DIAPH3: variants seen among roughly 807,000 people sequenced by gnomAD.
The protein encoded by DIAPH3 is diaphanous related formin 3, also known as protein diaphanous homolog 3.
DIAPH3 carries 117 observed loss-of-function variants against 144.3 expected under a neutral mutation model. The observed-to-expected ratio is 0.81, with a 90% CI of 0.70 to 0.95. The LOEUF is 0.95. Among genes scored for constraint, DIAPH3 ranks in the 40% least tolerant of loss-of-function variants. DIAPH3 has a pLI of 0.00. For missense variants in DIAPH3, 1,421 were observed against 1,412.7 expected (o/e 1.01, Z -0.09); for synonymous variants, 519 against 488.9 (o/e 1.06, Z -0.81).
At chr13:60,156,044 T>C (rs1487882572) in intron 1 of DIAPH3, among the ~76,000 whole-genome samples, 1 of 152,210 alleles carries the variant, frequency 6.6e-6, no homozygotes, top group Non-Finnish European at 1.5e-5. Context: ...AAATTCATTC[T>C]CTCAGTTCTG....
chr13:60,112,564 C>A (rs924818298), intron 2 of DIAPH3, among the ~76,000 whole-genome samples: 5 of 152,190 alleles, frequency 3.3e-5, no homozygotes, highest in Admixed American at 1.3e-4. Flanking sequence ...TCTCCCACCC[C>A]CTCCTGGCCC....
intron 10 of DIAPH3, 32 bp from the exon 11 acceptor site, chr13:59,992,218 G>T: frequency 6.5e-7 from 1 of 1,536,084 alleles, no homozygotes; most frequent in South Asian, 1.1e-5. Context: ...TATGATGAAT[G>T]ATTTTGTTTT....
chr13:60,054,919 T>C (rs1243827811), intron 4 of DIAPH3, among the ~76,000 whole-genome samples: 1 of 151,916 alleles, frequency 6.6e-6, no homozygotes, highest in Non-Finnish European at 1.5e-5. Flanking sequence ...TATTCACAGA[T>C]AATTTTATGC....
chr13:59,995,139 A>C (rs1477005472), intron 9 of DIAPH3, among the ~76,000 whole-genome samples: 3 of 151,888 alleles, frequency 2.0e-5, no homozygotes, highest in Non-Finnish European at 4.4e-5. Flanking sequence ...AGAGAATAGG[A>C]TAAATCCTAC....
At chr13:59,707,620 A>G (rs2034503754) in intron 27 of DIAPH3, among the ~76,000 whole-genome samples, 1 of 152,232 alleles carries the variant, frequency 6.6e-6, no homozygotes, top group Non-Finnish European at 1.5e-5. Context: ...TAATATTTCT[A>G]TGAAGGTGGT....
intron 5 of DIAPH3, among the ~76,000 whole-genome samples, chr13:60,040,607 G>A (rs867968636): frequency 6.6e-6 from 1 of 152,072 alleles, no homozygotes; most frequent in South Asian, 2.1e-4. Context: ...GAGAATAATA[G>A]TAGTAGTAAA....
In DIAPH3 at chr13:59,983,205, TAA is replaced by T. The variant is rs5803980; in HGVS notation, c.1480+562_1480+563del. ...TCGTCTGTATGAGTCATTCCAAGTTTAAAAAAAAAAAAAAAAAGGCTTCGGGG... is the reference window on the plus strand; with the variant it reads ...TCGTCTGTATGAGTCATTCCAAGTTTAAAAAAAAAAAAAAAGGCTTCGGGG... On this transcript the variant is annotated intron_variant, in intron 13 of 27. Coordinates refer to ENST00000400324, the MANE Select transcript of DIAPH3 (RefSeq NM_001042517.2). Among the ~76,000 whole-genome samples the T allele has an allele frequency of 5.7e-3, 708 of 125,024 alleles. 1 individual carries two copies. The highest frequency in any genetic ancestry group is 8.5e-3 in the African/African-American group (284 of 33,422). 82.0% of individuals were successfully genotyped at this position (125,024 alleles called of 152,430 possible).
At chr13:59,835,959 A>G (rs1249225338) in intron 23 of DIAPH3, among the ~76,000 whole-genome samples, 1 of 151,892 alleles carries the variant, frequency 6.6e-6, no homozygotes, top group Non-Finnish European at 1.5e-5. Flanking sequence ...AAGCATTGCT[A>G]TATAGAATAA....
intron 4 of DIAPH3, among the ~76,000 whole-genome samples, chr13:60,066,458 A>G (rs531069153): frequency 6.6e-6 from 1 of 152,298 alleles, no homozygotes; most frequent in Non-Finnish European, 1.5e-5. Context: ...TAACGCAAAA[A>G]CAGTCTAATA....
At chr13:60,039,885 T>G (rs2055507934) in intron 5 of DIAPH3, among the ~76,000 whole-genome samples, 1 of 152,162 alleles carries the variant, frequency 6.6e-6, no homozygotes, top group Non-Finnish European at 1.5e-5. Context: ...TTCCAAGTTT[T>G]ACATGTCCAG....
intron 2 of DIAPH3, among the ~76,000 whole-genome samples, chr13:60,124,347 G>A (rs1215721995): frequency 6.6e-6 from 1 of 152,160 alleles, no homozygotes; most frequent in Non-Finnish European, 1.5e-5. Context: ...TCTGAGATAT[G>A]TGAAGTGCTT....
chr13:60,066,068 A>G (rs1034502052), intron 4 of DIAPH3, among the ~76,000 whole-genome samples: 21 of 152,184 alleles, frequency 1.4e-4, no homozygotes, highest in Non-Finnish European at 5.9e-5. Context: ...CTTTCATAGA[A>G]GTATAATTTT....
At chr13:60,031,732 C>CTTTT (rs1165739891) in intron 5 of DIAPH3, among the ~76,000 whole-genome samples, 2,663 of 64,674 alleles carry the variant, frequency 0.041, 760 homozygotes, top group Middle Eastern at 0.091. Context: ...GTCATTAAAT[C>CTTTT]TTTTTTTTTT....
intron 21 of DIAPH3, among the ~76,000 whole-genome samples, chr13:59,875,896 C>T (rs2044597095): frequency 6.6e-6 from 1 of 152,068 alleles, no homozygotes; most frequent in Non-Finnish European, 1.5e-5. Flanking sequence ...GTCTACAAAG[C>T]TATGATACAG....
rs115083699 is a variant in DIAPH3, at chr13:59,700,249, C to T, written c.3320-33403G>A. On this transcript the variant is annotated intron_variant, in intron 27 of 27. Transcript: ENST00000400324. The stretch of plus-strand genomic sequence containing the variant: ...AGTATAACACCTAATTGCCCCCTTC[C>T]CTTTTATCCAGCAATTACTCAGCTG... 9.4e-3 allele frequency among the ~76,000 whole-genome samples: 1,427 copies of T among 152,212 alleles called. 25 individuals carry two copies. The highest frequency in any genetic ancestry group is 0.032 in the African/African-American group (1,347 of 41,524).
chr13:60,018,089 G>C (rs1040879790), intron 5 of DIAPH3, among the ~76,000 whole-genome samples: 2 of 152,166 alleles, frequency 1.3e-5, no homozygotes, highest in African/African-American at 4.8e-5. Context: ...TGCATGGAGA[G>C]AGACTGTTCA....
intron 1 of DIAPH3, among the ~76,000 whole-genome samples, chr13:60,154,683 T>C (rs73203981): frequency 0.037 from 5,674 of 152,260 alleles, 171 homozygotes; most frequent in East Asian, 0.1. Flanking sequence ...ATCCTGCTGC[T>C]ACTGAAAGAA....
intron 27 of DIAPH3, among the ~76,000 whole-genome samples, chr13:59,675,898 T>C (rs1187700295): frequency 6.6e-6 from 1 of 152,110 alleles, no homozygotes; most frequent in Non-Finnish European, 1.5e-5. Context: ...AGATTCCGAG[T>C]GCTAATAACT....
intron 21 of DIAPH3, among the ~76,000 whole-genome samples, chr13:59,879,027 A>G (rs2044820623): frequency 6.6e-6 from 1 of 152,160 alleles, no homozygotes; most frequent in Non-Finnish European, 1.5e-5. Context: ...TTGGATTTGC[A>G]GATTGAAGAA....
Sources: allele counts gnomAD v4.1 joint callset (sites outside exome capture counted in the v4.1 genomes callset), GRCh38; gene constraint gnomAD v4.1.1; transcripts MANE v1.5; gene names NCBI Gene and HGNC (gene_info 2026-07-23, HGNC 2026-07-21).